WIZ: variants seen among roughly 807,000 people sequenced by gnomAD.
WIZ encodes the protein protein Wiz.
WIZ carries 25 observed loss-of-function variants against 140.2 expected under a neutral mutation model. The ratio of observed to expected loss-of-function variants is 0.18; its 90% confidence interval spans 0.13 to 0.25. The LOEUF is 0.25. Ranked by LOEUF, WIZ falls within the 10% of genes least tolerant of loss-of-function variation. The probability of loss-of-function intolerance (pLI) is 1.00; values close to 1 mark genes in which losing one functional copy is unlikely to be tolerated. For missense variants in WIZ, 2,231 were observed against 2,632.6 expected (o/e 0.85, Z 3.34); for synonymous variants, 1,125 against 1,154.3 (o/e 0.97, Z 0.51).
chr19:15,432,363 G>C, intron 5 of WIZ: 3 of 890,334 alleles, frequency 3.4e-6, no homozygotes, highest in South Asian at 5.1e-5. Context: ...GGAAGGCGTC[G>C]GGGGCGGCGG....
At chr19:15,446,011 G>A (rs924443597) in intron 2 of WIZ, among the ~76,000 whole-genome samples, 1 of 152,182 alleles carries the variant, frequency 6.6e-6, no homozygotes, top group African/African-American at 2.4e-5. Context: ...GGCAGAGAGG[G>A]CAGTGGGAGA....
chr19:15,441,916 G>A (rs1969760211), intron 3 of WIZ, among the ~76,000 whole-genome samples: 1 of 152,148 alleles, frequency 6.6e-6, no homozygotes, highest in Admixed American at 6.5e-5. Context: ...GCCAGGCATG[G>A]TGGCTCATGC....
Position 15,428,516 on chromosome 19 carries a change from G to T in WIZ, c.3416-8C>A. The stretch of plus-strand genomic sequence containing the variant: ...CCCCGTCACTATCTAAAGCTGCGGA[G>T]ACAAAACACAGGGGGGGTTCACGGC... On this transcript the variant is annotated splice_polypyrimidine_tract_variant and splice_region_variant and intron_variant, in intron 7 of 12. Coordinates refer to ENST00000673675, the MANE Select transcript of WIZ (RefSeq NM_001371589.1). This position sits in a 1 kb window ranked among gnomAD's most constrained non-coding sequence, Gnocchi z 6.4. The T allele has an allele frequency of 6.5e-7, 1 of 1,535,318 alleles. No homozygotes were observed. The highest frequency in any genetic ancestry group is 8.7e-7 in the Non-Finnish European group (1 of 1,146,730).
chr19:15,426,872 G>T (rs1968856520), intron 9 of WIZ, 110 bp downstream of exon 9: 4 of 1,318,048 alleles, frequency 3.0e-6, no homozygotes, highest in Non-Finnish European at 4.2e-6. Flanking sequence ...CTCTCTACCT[G>T]CGTGTCCTCC....
At chr19:15,435,010 C>T (rs1009671389) in intron 5 of WIZ, among the ~76,000 whole-genome samples, 1 of 152,114 alleles carries the variant, frequency 6.6e-6, no homozygotes, top group Admixed American at 6.5e-5. Flanking sequence ...AGGCGGATCA[C>T]GAGGTCAGGA....
chr19:15,438,690 G>A lies in WIZ; in HGVS notation c.2304C>T (p.Val768=). The A allele has an allele frequency of 6.5e-7, 1 of 1,536,184 alleles. No individual in the cohort carries two copies. Among genetic ancestry groups the A allele is most frequent in the South Asian group, 1.2e-5 (1 of 84,070 alleles). ...FHNGIGLANH[V]RGHLNRVGVS... ...CGCCCACGCGGTTCAGGTGGCCCCGGACGTGGTTGGCCAAGCCGATGCCGT... is the reference window on the plus strand; with the variant it reads ...CGCCCACGCGGTTCAGGTGGCCCCGAACGTGGTTGGCCAAGCCGATGCCGT... Residue 768 remains valine (V), a synonymous_variant, in exon 4 of 13, where the codon GTC becomes GTT. Coordinates refer to ENST00000673675, the MANE Select transcript of WIZ (RefSeq NM_001371589.1).
Position 15,428,048 on chromosome 19 carries a change from C to A in WIZ, c.3814+62G>T. ...CCCCAGCAGGGAGGGGGCTGTGACC[C>A]CCCCCCCGGGAGGGGCTCCAGGGCC... On this transcript the variant is annotated intron_variant, in intron 8 of 12. Coordinates refer to ENST00000673675, the MANE Select transcript of WIZ (RefSeq NM_001371589.1). The surrounding 1 kb of genome is among the most constrained non-coding windows in gnomAD (Gnocchi z 6.4). 1.3e-6 allele frequency: 2 copies of A among 1,513,714 alleles called. No individual in the cohort carries two copies. Among genetic ancestry groups the A allele is most frequent in the South Asian group, 1.2e-5 (1 of 80,774 alleles). The allele number at this position is 1,513,714 out of a possible 1,614,324, so 93.8% of individuals were successfully genotyped here.
chr19:15,442,184 CAAAA>C lies in WIZ; in HGVS notation c.278+488_278+491del, dbSNP rs34791443. The stretch of plus-strand genomic sequence containing the variant: ...CCTGGGCGATAGAGTGAGACTTTCT[CAAAA>C]AAAAAAAAAAAAGATGACTATGACT... On this transcript the variant is annotated intron_variant, in intron 3 of 12. Transcript: ENST00000673675. The surrounding 1 kb of genome is among the most constrained non-coding windows in gnomAD (Gnocchi z 5.5). Among the ~76,000 whole-genome samples the C allele has an allele frequency of 5.9e-5, 8 of 134,706 alleles. No homozygotes were observed. Among genetic ancestry groups the C allele is most frequent in the Non-Finnish European group, 1.1e-4 (7 of 61,698 alleles). The allele number at this position is 134,706 out of a possible 152,430, so 88.4% of individuals were successfully genotyped here.
At chr19:15,437,173 C>T (rs1448286223) in intron 4 of WIZ, 44 bp from the exon 5 acceptor site, 11 of 1,498,442 alleles carry the variant, frequency 7.3e-6, no homozygotes, top group Non-Finnish European at 9.9e-6. Flanking sequence ...GAGGGGGCTA[C>T]TCCCCAGCCC....
chr19:15,448,884 G>C (rs1568318458), intron 1 of WIZ, among the ~76,000 whole-genome samples: 1 of 151,948 alleles, frequency 6.6e-6, no homozygotes, highest in Non-Finnish European at 1.5e-5. Flanking sequence ...AATGATCCCT[G>C]CACTTTTCCC....
Position 15,425,426 on chromosome 19 carries a change from C to T in WIZ, c.4709G>A (p.Arg1570His), listed in dbSNP as rs763043704. ...AGTGATGGGCGTCAGGCTGAGCTCA[C>T]GAGGAACCTGGGCCGGCCCTGCACC... ...KPGAGPAQVP[R>H]ELSLTPITGA... is the part of the protein sequence containing the mutation. The change falls in exon 10 of 13, where the codon CGT (arginine) becomes CAT (histidine). Residue 1570 changes from arginine (R) to histidine (H), a missense_variant. Physicochemically the swap from Arg to His is conservative, Grantham distance 29. Around this residue, in one of 15 missense-constraint regions of WIZ, gnomAD observed 393 missense variants for 451.7 expected, o/e 0.87. Transcript: ENST00000673675. The T allele has an allele frequency of 1.9e-5, 29 of 1,562,984 alleles. No individual in the cohort carries two copies. Among genetic ancestry groups the T allele is most frequent in the East Asian group, 7.2e-5 (3 of 41,768 alleles).
rs748547250 is a variant in WIZ at position 15,427,526 on chromosome 19, G to C, written c.3822C>G (p.Gly1274=). The stretch of plus-strand genomic sequence containing the variant: ...AGCGGATGTCTCGTGCTGGCTCTGG[G>C]CCTGAGGCTGCAGCAGGAGGAGAAA... ...VEPSPLNLSS[G]PEPARDIRCE... Residue 1274 remains glycine (G), a synonymous_variant, in exon 9 of 13, where the codon GGC becomes GGG. Transcript: ENST00000673675. The surrounding 1 kb of genome is among the most constrained non-coding windows in gnomAD (Gnocchi z 6.4). The C allele has an allele frequency of 6.2e-7, 1 of 1,605,408 alleles. No homozygotes were observed. The highest frequency in any genetic ancestry group is 2.2e-5 in the East Asian group (1 of 44,672).
rs1969787289 is a variant in WIZ, at chr19:15,442,699, G to A, written c.255C>T (p.Ser85=). 4.9e-6 allele frequency: 6 copies of A among 1,232,554 alleles called. No homozygotes were observed. Among genetic ancestry groups the A allele is most frequent in the East Asian group, 3.2e-5 (1 of 31,708 alleles). 76.4% of individuals were successfully genotyped at this position (1,232,554 alleles called of 1,614,324 possible). A position where few individuals can be genotyped will look rare whatever the true frequency, so the allele number is the denominator to read the frequency against. ...ACCAGCTGCTGATCCGATGGGTGGC[G>A]GAGGTGACACGGGGGAGGGCTTCGC... The part of the protein sequence containing the change: ...GLSEALPRVT[S]ATHRISSCCW... The change falls in exon 3 of 13, where the codon TCC becomes TCT. Residue 85 remains serine, a synonymous_variant. Coordinates refer to ENST00000673675, the MANE Select transcript of WIZ (RefSeq NM_001371589.1). This position sits in a 1 kb window ranked among gnomAD's most constrained non-coding sequence, Gnocchi z 5.5.
At position 15,427,306 on chromosome 19, in the gene WIZ, G is replaced by A. The variant is rs753336157; in HGVS notation, c.4042C>T (p.Leu1348=). The part of the protein sequence containing the change: ...PNPPGPSPKA[L]AKMMGGAGPG... ...CCTGCGCCGCCCATCATCTTGGCCAGGGCTTTTGGGCTTGGCCCTGGTGGG... is the reference window on the plus strand; with the variant it reads ...CCTGCGCCGCCCATCATCTTGGCCAAGGCTTTTGGGCTTGGCCCTGGTGGG... Residue 1348 remains leucine (L), a synonymous_variant, in exon 9 of 13, where the codon CTG becomes TTG. Transcript: ENST00000673675. This position sits in a 1 kb window ranked among gnomAD's most constrained non-coding sequence, Gnocchi z 6.4. The A allele has an allele frequency of 1.9e-6, 3 of 1,613,674 alleles. No individual in the cohort carries two copies. The highest frequency in any genetic ancestry group is 3.3e-5 in the Admixed American group (2 of 60,016).
intron 5 of WIZ, among the ~76,000 whole-genome samples, chr19:15,436,024 G>A (rs1367880971): frequency 6.6e-6 from 1 of 152,220 alleles, no homozygotes; most frequent in Non-Finnish European, 1.5e-5. Context: ...TCAGGAGGCT[G>A]AGGCAGGAGA....
Position 15,425,478 on chromosome 19 carries a change from G to T in WIZ, c.4657C>A (p.Pro1553Thr). Residue 1553 changes from proline (P) to threonine (T), a missense_variant, in exon 10 of 13, where the codon CCC becomes ACC. By Grantham distance (38) the Pro-to-Thr change is conservative. Coordinates refer to ENST00000673675, the MANE Select transcript of WIZ (RefSeq NM_001371589.1). The part of the protein sequence containing the change: ...GPVQSPLPLS[P>T]LAGRPGKPGA... ...GGTTTGCCTGGCCGGCCAGCCAGGG[G>T]CGACAGCGGCAGTGGGGACTGCACG... is the stretch of plus-strand genomic sequence containing the variant. 1 of 1,603,482 alleles carries T rather than the reference G, an allele frequency of 6.2e-7. No homozygotes were observed. The highest frequency in any genetic ancestry group is 2.2e-5 in the East Asian group (1 of 44,466).
intron 6 of WIZ, 103 bp from the exon 7 acceptor site, chr19:15,430,192 A>G (rs1969141107): frequency 2.8e-6 from 4 of 1,421,188 alleles, no homozygotes; most frequent in Non-Finnish European, 2.8e-6. Context: ...GCTCCATGGA[A>G]GTGTTTTGCC....
intron 4 of WIZ, among the ~76,000 whole-genome samples, chr19:15,438,224 G>C (rs1007798438): frequency 6.6e-6 from 1 of 152,354 alleles, no homozygotes; most frequent in Admixed American, 6.5e-5. Context: ...CCTGGACTGG[G>C]CCATGAACTC....
rs762218067 is a variant in WIZ, at chr19:15,427,354, A to G, written c.3994T>C (p.Ser1332Pro). ...LREILKRRTQSRPGGPPNPPG... is the reference protein window; with the variant it reads ...LREILKRRTQPRPGGPPNPPG... ...GGGTTGGGAGGTCCACCAGGCCGAG[A>G]CTGGGTCCGTCTCTTCAGGATCTCC... The change falls in exon 9 of 13, where the codon TCT (serine) becomes CCT (proline). Residue 1332 changes from serine to proline, a missense_variant. Physicochemically the swap from Ser to Pro is moderately conservative, Grantham distance 74 (BLOSUM62 -1). Transcript: ENST00000673675. The surrounding 1 kb of genome is among the most constrained non-coding windows in gnomAD (Gnocchi z 6.4). The G allele has an allele frequency of 6.2e-7, 1 of 1,613,556 alleles. No individual in the cohort carries two copies. Among genetic ancestry groups the G allele is most frequent in the Non-Finnish European group, 8.5e-7 (1 of 1,179,948 alleles).
Sources: allele counts gnomAD v4.1 joint callset (sites outside exome capture counted in the v4.1 genomes callset), GRCh38; gene constraint gnomAD v4.1.1; regional missense constraint gnomAD v4.1.1; non-coding constraint Gnocchi (gnomAD v3.1); transcripts MANE v1.5; gene names NCBI Gene and HGNC (gene_info 2026-07-23, HGNC 2026-07-21).